The following LGALSL variants were observed in gnomAD, a reference collection of about 807,000 sequenced individuals.
The protein encoded by LGALSL is galectin-related protein.
LGALSL carries 13 observed loss-of-function variants against 19.5 expected under a neutral mutation model. That is an observed-to-expected ratio of 0.67 (90% CI 0.43 to 1.06). The LOEUF is 1.06. Ranked by LOEUF, LGALSL falls within the 50% of genes least tolerant of loss-of-function variation. The pLI is 0.00. For synonymous variants in LGALSL, 86 were observed against 78.3 expected (o/e 1.10, Z -0.52); for missense variants, 189 against 219.3 (o/e 0.86, Z 0.87).
chr2:64,454,891 G>T lies in LGALSL; in HGVS notation c.36+310G>T, dbSNP rs545922019. 2.0e-5 allele frequency among the ~76,000 whole-genome samples: 3 copies of T among 151,590 alleles called. No individual in the cohort carries two copies. The highest frequency in any genetic ancestry group is 4.4e-5 in the Non-Finnish European group (3 of 67,804). ...TGTGCGCGTGGGTGAGTGTGTCCGG[G>T]GCGCGCGCCCCGCCACCGCCCCCGA... is the stretch of plus-strand genomic sequence containing the variant. On this transcript the variant is annotated intron_variant, in intron 1 of 4. Transcript: ENST00000238875. The surrounding 1 kb of genome is among the most constrained non-coding windows in gnomAD (Gnocchi z 5.1).
At position 64,454,508 on chromosome 2, in the gene LGALSL, C is replaced by G; in HGVS notation, c.-38C>G. On this transcript the variant is annotated 5_prime_UTR_variant, in exon 1 of 5. Transcript: ENST00000238875. The surrounding 1 kb of genome is among the most constrained non-coding windows in gnomAD (Gnocchi z 5.1). ...GACAGCCCCGGGATCCCCGCCCGCG[C>G]GCCGCGTCCCACGTACCCCGCCGCG... 1 of 1,336,340 alleles carries G rather than the reference C, an allele frequency of 7.5e-7. No individual in the cohort carries two copies. The highest frequency in any genetic ancestry group is 9.7e-7 in the Non-Finnish European group (1 of 1,035,370). The allele number at this position is 1,336,340 out of a possible 1,614,324, so 82.8% of individuals were successfully genotyped here. A position where few individuals can be genotyped will look rare whatever the true frequency, so the allele number is the denominator to read the frequency against.
rs1052255983 is a variant in LGALSL, at chr2:64,460,913, G to A, written c.*2485G>A. The A allele has an allele frequency of 1.3e-5, 2 of 152,170 alleles. No individual in the cohort carries two copies. Among genetic ancestry groups the A allele is most frequent in the Non-Finnish European group, 2.9e-5 (2 of 68,038 alleles). 9.4% of individuals were successfully genotyped at this position (152,170 alleles called of 1,614,324 possible). On this transcript the variant is annotated 3_prime_UTR_variant, in exon 5 of 5. Transcript: ENST00000238875. ...AGTATAAATAACAATCAGGCTCTGG[G>A]GGAATAGAAAGCAGGCTTTAGACAA...
Position 64,456,379 on chromosome 2 carries a change from C to T in LGALSL, c.289C>T (p.Leu97Phe). 6.2e-7 allele frequency: 1 copy of T among 1,612,622 alleles called. No homozygotes were observed. The highest frequency in any genetic ancestry group is 8.5e-7 in the Non-Finnish European group (1 of 1,179,370). Residue 97 changes from leucine to phenylalanine, a missense_variant, in exon 4 of 5, where the codon CTC (leucine) becomes TTC (phenylalanine). By Grantham distance (22) the Leu-to-Phe change is conservative. Coordinates refer to ENST00000238875, the MANE Select transcript of LGALSL (RefSeq NM_014181.3). ...AGCTGTGTTCACAGATCGGCAGCTACTCAGAAATTCTTGTATATCTGGGGA... is the reference window on the plus strand; with the variant it reads ...AGCTGTGTTCACAGATCGGCAGCTATTCAGAAATTCTTGTATATCTGGGGA... Reference protein sequence around the residue: ...LKAVFTDRQLLRNSCISGERG... With the variant: ...LKAVFTDRQLFRNSCISGERG...
At position 64,454,614 on chromosome 2, in the gene LGALSL, T is replaced by C. The variant is rs1003494947; in HGVS notation, c.36+33T>C. ...TGGCAGGGCGCGCGCGAGGCGCCCC[T>C]CCCCGCCGTCCCGCACTCCGCCGCC... is the stretch of plus-strand genomic sequence containing the variant. On this transcript the variant is annotated intron_variant, in intron 1 of 4. Transcript: ENST00000238875. The surrounding 1 kb of genome is among the most constrained non-coding windows in gnomAD (Gnocchi z 5.1). The C allele has an allele frequency of 2.2e-6, 3 of 1,351,152 alleles. No homozygotes were observed. The highest frequency in any genetic ancestry group is 2.9e-6 in the Non-Finnish European group (3 of 1,042,330). The allele number at this position is 1,351,152 out of a possible 1,614,324, so 83.7% of individuals were successfully genotyped here. A position where few individuals can be genotyped will look rare whatever the true frequency, so the allele number is the denominator to read the frequency against.
chr2:64,455,680 A>G lies in LGALSL; in HGVS notation c.197+3A>G, dbSNP rs1371238109. ...ATCGTAGACCTCAACCCAGAGAGGT[A>G]AGGCAGAGTCTTTGTCAGGACAGAA... On this transcript the variant is annotated splice_donor_region_variant and intron_variant, in intron 3 of 4. Transcript: ENST00000238875. 2.5e-6 allele frequency: 4 copies of G among 1,608,094 alleles called. No individual in the cohort carries two copies. Among genetic ancestry groups the G allele is most frequent in the Non-Finnish European group, 3.4e-6 (4 of 1,174,484 alleles).
In LGALSL at chr2:64,454,488, C is replaced by G; in HGVS notation, c.-58C>G. 8.2e-7 allele frequency: 1 copy of G among 1,213,446 alleles called. No homozygotes were observed. Among genetic ancestry groups the G allele is most frequent in the Non-Finnish European group, 1.1e-6 (1 of 941,554 alleles). 75.2% of individuals were successfully genotyped at this position (1,213,446 alleles called of 1,614,324 possible). A position where few individuals can be genotyped will look rare whatever the true frequency, so the allele number is the denominator to read the frequency against. ...CCCGCCCCCGCCCCGCGCAGGACAG[C>G]CCCGGGATCCCCGCCCGCGCGCCGC... is the stretch of plus-strand genomic sequence containing the variant. On this transcript the variant is annotated 5_prime_UTR_variant, in exon 1 of 5. Transcript: ENST00000238875. This position sits in a 1 kb window ranked among gnomAD's most constrained non-coding sequence, Gnocchi z 5.1.
In LGALSL at chr2:64,454,634, G is replaced by T. The variant is rs1397412817; in HGVS notation, c.36+53G>T. ...GCCCCTCCCCGCCGTCCCGCACTCC[G>T]CCGCCGCCTGCTCCAGCAGTGCTGG... On this transcript the variant is annotated intron_variant, in intron 1 of 4. Coordinates refer to ENST00000238875, the MANE Select transcript of LGALSL (RefSeq NM_014181.3). This position sits in a 1 kb window ranked among gnomAD's most constrained non-coding sequence, Gnocchi z 5.1. 1.6e-6 allele frequency: 2 copies of T among 1,238,774 alleles called. No individual in the cohort carries two copies. The highest frequency in any genetic ancestry group is 3.3e-5 in the East Asian group (1 of 29,938). 76.7% of individuals were successfully genotyped at this position (1,238,774 alleles called of 1,614,324 possible). A position where few individuals can be genotyped will look rare whatever the true frequency, so the allele number is the denominator to read the frequency against.
chr2:64,454,558 G>A lies in LGALSL; in HGVS notation c.13G>A (p.Val5Met), dbSNP rs778666709. The change falls in exon 1 of 5, where the codon GTG (valine) becomes ATG (methionine). Residue 5 changes from valine (V) to methionine (M), a missense_variant. Physicochemically the swap from Val to Met is conservative, Grantham distance 21. Around this residue, in one of 3 missense-constraint regions of LGALSL, gnomAD observed 62 missense variants for 49.0 expected, o/e 1.27. Coordinates refer to ENST00000238875, the MANE Select transcript of LGALSL (RefSeq NM_014181.3). This position sits in a 1 kb window ranked among gnomAD's most constrained non-coding sequence, Gnocchi z 5.1. ...GCCGGGCAAGAAGATGGCGGGATCA[G>A]TGGCCGACAGCGATGCCGTGGTGGT... MAGS[V>M]ADSDAVVKLD... 3.4e-6 allele frequency: 5 copies of A among 1,451,294 alleles called. No homozygotes were observed. The South Asian group carries it at 5.4e-5, about 16-fold the overall frequency. 89.9% of individuals were successfully genotyped at this position (1,451,294 alleles called of 1,614,324 possible).
chr2:64,455,440 TG>T, intron 2 of LGALSL, 25 bp downstream of exon 2: 1 of 1,579,168 alleles, frequency 6.3e-7, no homozygotes, highest in Non-Finnish European at 8.7e-7. Context: ...TCTGTGTCTC[TG>T]CCTGTACCTT....
rs1374645626 is a variant in LGALSL at position 64,460,804 on chromosome 2, G to A, written c.*2376G>A. 3.3e-5 allele frequency: 5 copies of A among 152,186 alleles called. No individual in the cohort carries two copies. Among genetic ancestry groups the A allele is most frequent in the African/African-American group, 1.2e-4 (5 of 41,450 alleles). 9.4% of individuals were successfully genotyped at this position (152,186 alleles called of 1,614,324 possible). ...AGAATTTCAGGATGGAAAATGCAATGTAAAGCTTCCACAGGAAAGTATTCG... is the reference window on the plus strand; with the variant it reads ...AGAATTTCAGGATGGAAAATGCAATATAAAGCTTCCACAGGAAAGTATTCG... On this transcript the variant is annotated 3_prime_UTR_variant, in exon 5 of 5. Coordinates refer to ENST00000238875, the MANE Select transcript of LGALSL (RefSeq NM_014181.3).
At position 64,455,783 on chromosome 2, in the gene LGALSL, C is replaced by T; in HGVS notation, c.197+106C>T. On this transcript the variant is annotated intron_variant, in intron 3 of 4. Transcript: ENST00000238875. ...CTTCCTCTCCTTGTGGACAGTGTTG[C>T]TAGTTGCCAGTGCCAAGAAAGTACC... 3.7e-6 allele frequency: 3 copies of T among 821,686 alleles called. 1 individual carries two copies. In the South Asian group the frequency reaches 4.3e-5, roughly 12 times the overall value. The allele number at this position is 821,686 out of a possible 1,614,324, so 50.9% of individuals were successfully genotyped here.
Position 64,459,564 on chromosome 2 carries a change from G to T in LGALSL, c.*1136G>T, listed in dbSNP as rs1686785601. 6.6e-6 allele frequency: 1 copy of T among 152,298 alleles called. No homozygotes were observed. The highest frequency in any genetic ancestry group is 1.9e-4 in the East Asian group (1 of 5,188). 9.4% of individuals were successfully genotyped at this position (152,298 alleles called of 1,614,324 possible). On this transcript the variant is annotated 3_prime_UTR_variant, in exon 5 of 5. Coordinates refer to ENST00000238875, the MANE Select transcript of LGALSL (RefSeq NM_014181.3). ...ATATCCCTAAGTAATGCCTTTGGAA[G>T]CTTCAGAGTAGAAGATGCTTCCTAC...
Position 64,454,458 on chromosome 2 carries a change from G to A in LGALSL, c.-88G>A. On this transcript the variant is annotated 5_prime_UTR_variant, in exon 1 of 5. Transcript: ENST00000238875. The surrounding 1 kb of genome is among the most constrained non-coding windows in gnomAD (Gnocchi z 5.1). ...GCGCGCCCGCCGCCAGCTCGGACCC[G>A]CGCCCCCGCCCCCGCCCCGCGCAGG... 1 of 670,050 alleles carries A rather than the reference G, an allele frequency of 1.5e-6. No homozygotes were observed. The highest frequency in any genetic ancestry group is 2.0e-6 in the Non-Finnish European group (1 of 505,052). The allele number at this position is 670,050 out of a possible 1,614,324, so 41.5% of individuals were successfully genotyped here.
intron 3 of LGALSL, 110 bp downstream of exon 3, chr2:64,455,787 T>G: frequency 1.3e-6 from 1 of 788,082 alleles, no homozygotes. Flanking sequence ...GTGTTGCTAG[T>G]TGCCAGTGCC....
In LGALSL at chr2:64,454,594, G is replaced by T. The variant is rs775968044; in HGVS notation, c.36+13G>T. ...CGATGCCGTGGTGGTGAGTGTGGCA[G>T]GGCGCGCGCGAGGCGCCCCTCCCCG... On this transcript the variant is annotated intron_variant, in intron 1 of 4. Transcript: ENST00000238875. The surrounding 1 kb of genome is among the most constrained non-coding windows in gnomAD (Gnocchi z 5.1). 1.6e-5 allele frequency: 22 copies of T among 1,413,996 alleles called. No homozygotes were observed. Among genetic ancestry groups the T allele is most frequent in the Non-Finnish European group, 2.0e-5 (22 of 1,079,374 alleles). 87.6% of individuals were successfully genotyped at this position (1,413,996 alleles called of 1,614,324 possible).
Position 64,454,618 on chromosome 2 carries a change from C to T in LGALSL, c.36+37C>T, listed in dbSNP as rs762226763. The T allele has an allele frequency of 4.4e-5, 60 of 1,357,294 alleles. No homozygotes were observed. Among genetic ancestry groups the T allele is most frequent in the East Asian group, 6.4e-5 (2 of 31,480 alleles). The allele number at this position is 1,357,294 out of a possible 1,614,324, so 84.1% of individuals were successfully genotyped here. A position where few individuals can be genotyped will look rare whatever the true frequency, so the allele number is the denominator to read the frequency against. On this transcript the variant is annotated intron_variant, in intron 1 of 4. Coordinates refer to ENST00000238875, the MANE Select transcript of LGALSL (RefSeq NM_014181.3). The surrounding 1 kb of genome is among the most constrained non-coding windows in gnomAD (Gnocchi z 5.1). ...AGGGCGCGCGCGAGGCGCCCCTCCC[C>T]GCCGTCCCGCACTCCGCCGCCGCCT...
chr2:64,459,749 C>A lies in LGALSL; in HGVS notation c.*1321C>A, dbSNP rs568744627. 6.6e-6 allele frequency: 1 copy of A among 152,190 alleles called. No individual in the cohort carries two copies. The highest frequency in any genetic ancestry group is 2.4e-5 in the African/African-American group (1 of 41,438). 9.4% of individuals were successfully genotyped at this position (152,190 alleles called of 1,614,324 possible). A position where few individuals can be genotyped will look rare whatever the true frequency, so the allele number is the denominator to read the frequency against. ...AGCTGTAGGTGTTACCCTGCACTTA[C>A]GGAACTGATCAAACAGGTGACTCCA... On this transcript the variant is annotated 3_prime_UTR_variant, in exon 5 of 5. Coordinates refer to ENST00000238875, the MANE Select transcript of LGALSL (RefSeq NM_014181.3).
At position 64,459,965 on chromosome 2, in the gene LGALSL, A is replaced by G. The variant is rs145413224; in HGVS notation, c.*1537A>G. The G allele has an allele frequency of 1.2e-4, 18 of 150,712 alleles. No individual in the cohort carries two copies. Among genetic ancestry groups the G allele is most frequent in the African/African-American group, 3.7e-4 (15 of 41,064 alleles). The allele number at this position is 150,712 out of a possible 1,614,324, so 9.3% of individuals were successfully genotyped here. A position where few individuals can be genotyped will look rare whatever the true frequency, so the allele number is the denominator to read the frequency against. Reference sequence around the variant, plus strand: ...ATAATTTAGGTTTTGTTTGTACAGCATACTGTGTCTTGTAATGACACATCC... The same window carrying G: ...ATAATTTAGGTTTTGTTTGTACAGCGTACTGTGTCTTGTAATGACACATCC... On this transcript the variant is annotated 3_prime_UTR_variant, in exon 5 of 5. Transcript: ENST00000238875.
At position 64,454,178 on chromosome 2, in the gene LGALSL, C is replaced by T; in HGVS notation, c.-368C>T. ...CCCCGCCCTGTTCCCGGTTCCCGAG[C>T]CGGGCCCCGGAGGCCTTTAAATGCT... On this transcript the variant is annotated 5_prime_UTR_variant, in exon 1 of 5. Transcript: ENST00000238875. The surrounding 1 kb of genome is among the most constrained non-coding windows in gnomAD (Gnocchi z 5.1). The T allele has an allele frequency of 2.5e-6, 1 of 394,170 alleles. No homozygotes were observed. The highest frequency in any genetic ancestry group is 4.5e-6 in the Non-Finnish European group (1 of 223,090). The allele number at this position is 394,170 out of a possible 1,614,324, so 24.4% of individuals were successfully genotyped here.
Sources: allele counts gnomAD v4.1 joint callset (sites outside exome capture counted in the v4.1 genomes callset), GRCh38; gene constraint gnomAD v4.1.1; regional missense constraint gnomAD v4.1.1; non-coding constraint Gnocchi (gnomAD v3.1); transcripts MANE v1.5; gene names NCBI Gene and HGNC (gene_info 2026-07-23, HGNC 2026-07-21).